The following PDE4D variants were observed in gnomAD, a reference collection of about 807,000 sequenced individuals.
PDE4D encodes the protein 3',5'-cyclic-AMP phosphodiesterase 4D.
In PDE4D, 24 loss-of-function variants were observed where a neutral mutation model predicts 87.4. That is an observed-to-expected ratio of 0.27 (90% CI 0.20 to 0.39). The LOEUF is 0.39. Ranked by LOEUF, PDE4D falls within the 10% of genes least tolerant of loss-of-function variation. The pLI, the probability that PDE4D is intolerant of heterozygous loss-of-function variation, is 1.00. For synonymous variants in PDE4D, 384 were observed against 383.2 expected (o/e 1.00, Z -0.02); for missense variants, 714 against 1,041.0 (o/e 0.69, Z 4.32).
chr5:60,455,971 C>CCTTCT lies in PDE4D; in HGVS notation c.-90+31966_-90+31970dup, dbSNP rs1358070882. On this transcript the variant is annotated intron_variant, in intron 1 of 16. Transcript: ENST00000502484. ...GGGTTCTCCAGCCAGTAGCCCACTC[C>CCTTCT]CTTCTCTTCTCTTCCCCACCTTCAG... Among the ~76,000 whole-genome samples, 3 of 151,054 alleles carry CCTTCT rather than the reference C, an allele frequency of 2.0e-5. No individual in the cohort carries two copies. In the East Asian group the frequency reaches 5.8e-4, roughly 29 times the overall value.
At chr5:59,759,541 C>T (rs1368201871) in intron 1 of PDE4D, among the ~76,000 whole-genome samples, 1 of 152,192 alleles carries the variant, frequency 6.6e-6, no homozygotes, top group African/African-American at 2.4e-5. Flanking sequence ...ATTCCTTAAA[C>T]ATGACAAGCC....
intron 2 of PDE4D, among the ~76,000 whole-genome samples, chr5:60,047,421 G>A (rs1482540735): frequency 2.0e-5 from 3 of 152,224 alleles, no homozygotes; most frequent in East Asian, 1.9e-4. Context: ...TTTTGAATGT[G>A]TTTGCTCTTG....
chr5:60,273,497 A>G (rs1305756641), intron 1 of PDE4D, among the ~76,000 whole-genome samples: 1 of 152,214 alleles, frequency 6.6e-6, no homozygotes, highest in Non-Finnish European at 1.5e-5. Flanking sequence ...TAGATCTAAG[A>G]AGTGGCAAGA....
At chr5:59,619,141 C>T (rs1478950210) in intron 1 of PDE4D, among the ~76,000 whole-genome samples, 2 of 151,940 alleles carry the variant, frequency 1.3e-5, no homozygotes, top group African/African-American at 4.8e-5. Context: ...ATAAATAAAA[C>T]AATTCAAAAT....
intron 1 of PDE4D, among the ~76,000 whole-genome samples, chr5:59,390,848 G>C (rs765034275): frequency 3.9e-5 from 6 of 152,088 alleles, no homozygotes; most frequent in South Asian, 2.1e-4. Flanking sequence ...GAGTTACAGA[G>C]GGTGGTAAAA....
intron 2 of PDE4D, among the ~76,000 whole-genome samples, chr5:60,136,503 C>A (rs1780061708): frequency 6.6e-6 from 1 of 151,916 alleles, no homozygotes; most frequent in Non-Finnish European, 1.5e-5. Flanking sequence ...TTAGTGGAGT[C>A]AAGGTTCCAC....
intron 1 of PDE4D, among the ~76,000 whole-genome samples, chr5:60,347,376 A>G (rs766936181): frequency 1.3e-5 from 2 of 152,176 alleles, no homozygotes; most frequent in Admixed American, 6.6e-5. Context: ...TAGAAAACAT[A>G]AAGGGTTTTG....
intron 1 of PDE4D, among the ~76,000 whole-genome samples, chr5:60,264,567 G>A (rs1749990530): frequency 6.6e-6 from 1 of 152,242 alleles, no homozygotes; most frequent in South Asian, 2.1e-4. Context: ...TACTGGGTAA[G>A]TGGACTAGAA....
intron 1 of PDE4D, among the ~76,000 whole-genome samples, chr5:59,264,603 C>T (rs187478782): frequency 6.6e-6 from 1 of 152,068 alleles, no homozygotes; most frequent in African/African-American, 2.4e-5. Flanking sequence ...TAAAGCAAAA[C>T]ACTCAGGGAA....
chr5:60,026,379 C>T lies in PDE4D; in HGVS notation c.43-37662G>A, dbSNP rs550055783. ...CAAGAGCAGCCTGACAACATGGCATCATCCTTCCATTTATGATTCTGGCCT... is the reference window on the plus strand; with the variant it reads ...CAAGAGCAGCCTGACAACATGGCATTATCCTTCCATTTATGATTCTGGCCT... On this transcript the variant is annotated intron_variant, in intron 2 of 16. Coordinates refer to the PDE4D transcript ENST00000502484. Among the ~76,000 whole-genome samples, 5 of 152,192 alleles carry T rather than the reference C, an allele frequency of 3.3e-5. No individual in the cohort carries two copies. In the South Asian group the frequency reaches 1.0e-3, roughly 32 times the overall value.
intron 1 of PDE4D, among the ~76,000 whole-genome samples, chr5:60,377,922 C>G (rs1412710962): frequency 2.0e-5 from 3 of 152,206 alleles, no homozygotes; most frequent in African/African-American, 7.2e-5. Context: ...TAGGTCTTTT[C>G]TACACATAGT....
chr5:60,074,093 T>C (rs1773029684), intron 2 of PDE4D, among the ~76,000 whole-genome samples: 1 of 152,148 alleles, frequency 6.6e-6, no homozygotes, highest in African/African-American at 2.4e-5. Context: ...CTCTTGCTTC[T>C]CTAGTTCATT....
At chr5:59,600,802 T>C (rs1827395857) in intron 1 of PDE4D, among the ~76,000 whole-genome samples, 1 of 152,190 alleles carries the variant, frequency 6.6e-6, no homozygotes, top group South Asian at 2.1e-4. Flanking sequence ...ACAGTTGTGA[T>C]AGCACCTGCG....
At chr5:60,096,232 G>C (rs1272805618) in intron 2 of PDE4D, among the ~76,000 whole-genome samples, 4 of 151,874 alleles carry the variant, frequency 2.6e-5, no homozygotes, top group African/African-American at 9.6e-5. Context: ...CAATGGAAAA[G>C]AATAGAAGCC....
At chr5:59,876,028 G>A (rs1277130539) in intron 1 of PDE4D, among the ~76,000 whole-genome samples, 2 of 152,098 alleles carry the variant, frequency 1.3e-5, no homozygotes, top group African/African-American at 4.8e-5. Flanking sequence ...TAATACCTGG[G>A]TGATGAAATA....
At chr5:59,845,220 G>T (rs1180652790) in intron 1 of PDE4D, among the ~76,000 whole-genome samples, 1 of 152,048 alleles carries the variant, frequency 6.6e-6, no homozygotes, top group Non-Finnish European at 1.5e-5. Flanking sequence ...AATGAATGGT[G>T]CTTTAAGCCA....
intron 1 of PDE4D, among the ~76,000 whole-genome samples, chr5:59,841,504 A>T (rs959941761): frequency 6.6e-6 from 1 of 152,076 alleles, no homozygotes; most frequent in Non-Finnish European, 1.5e-5. Flanking sequence ...CATTACATAT[A>T]CTAACTCATT....
intron 2 of PDE4D, among the ~76,000 whole-genome samples, chr5:60,088,865 A>G (rs1001516493): frequency 6.6e-5 from 10 of 152,072 alleles, no homozygotes; most frequent in African/African-American, 2.4e-4. Context: ...CTTCAGTTAA[A>G]AGACAGAGTG....
At chr5:60,515,098 A>C (rs1415337774) in intron 1 of PDE4D, among the ~76,000 whole-genome samples, 1 of 152,148 alleles carries the variant, frequency 6.6e-6, no homozygotes, top group African/African-American at 2.4e-5. Flanking sequence ...TACATCTAAC[A>C]AAAGATGTAT....
Sources: gnomAD v4.1 joint callset for allele counts (sites outside exome capture counted in the v4.1 genomes callset) on GRCh38, gnomAD v4.1.1 for gene constraint, MANE v1.5 for transcripts, NCBI Gene and HGNC (gene_info 2026-07-23, HGNC 2026-07-21) for gene names.